ABCA8: variants seen among roughly 807,000 people sequenced by gnomAD.
The protein encoded by ABCA8 is ABC-type organic anion transporter ABCA8.
Under a neutral mutation model 192.3 loss-of-function variants are expected in ABCA8, and 177 were observed. The observed-to-expected ratio is 0.92, with a 90% CI of 0.81 to 1.04. The LOEUF is 1.04. Among genes scored for constraint, ABCA8 ranks in the 50% least tolerant of loss-of-function variants. The pLI, the probability that ABCA8 is intolerant of heterozygous loss-of-function variation, is 0.00. For missense variants in ABCA8, 1,915 were observed against 1,904.8 expected, an observed-to-expected ratio of 1.01 and a Z score of -0.10; for synonymous variants, 642 against 690.2, an observed-to-expected ratio of 0.93 and a Z score of 1.09.
chr17:68,883,851 G>C lies in ABCA8; in HGVS notation c.3647C>G (p.Thr1216Ser), dbSNP rs769886035. ...AAACTTCCATTCCAGACATCGAAGA[G>C]TAAAAAGAAAAATGATAAAATGAAG... Reference protein sequence around the residue: ...PFLHFIIFLFTLRCLEWKFGK... With the variant: ...PFLHFIIFLFSLRCLEWKFGK... The change falls in exon 29 of 40, where the codon ACT becomes AGT. Residue 1216 changes from threonine (T) to serine (S), a missense_variant. Transcript: ENST00000586539. 4.3e-5 allele frequency: 69 copies of C among 1,593,888 alleles called. No homozygotes were observed. The highest frequency in any genetic ancestry group is 5.5e-5 in the Non-Finnish European group (65 of 1,171,414).
In ABCA8 at chr17:68,907,890, GAA is replaced by G. The variant is rs4148022; in HGVS notation, c.2139-13_2139-12del. On this transcript the variant is annotated splice_polypyrimidine_tract_variant and intron_variant, in intron 17 of 39. Coordinates refer to ENST00000586539, the MANE Select transcript of ABCA8 (RefSeq NM_001288985.2). ...TCATTTAACTGCAAGCTGGCATTCAGAAAAAAAAAAAAAGACATATGTTACTC... is the reference window on the plus strand; with the variant it reads ...TCATTTAACTGCAAGCTGGCATTCAGAAAAAAAAAAAGACATATGTTACTC... 2.5e-3 allele frequency: 3,315 copies of G among 1,307,546 alleles called. 7 individuals carry two copies. Among genetic ancestry groups the G allele is most frequent in the African/African-American group, 0.016 (1,006 of 64,862 alleles). The allele number at this position is 1,307,546 out of a possible 1,614,324, so 81.0% of individuals were successfully genotyped here.
At position 68,903,386 on chromosome 17, in the gene ABCA8, C is replaced by A; in HGVS notation, c.2512G>T (p.Val838Leu). 1 of 1,614,220 alleles carries A rather than the reference C, an allele frequency of 6.2e-7. No homozygotes were observed. The highest frequency in any genetic ancestry group is 1.1e-5 in the South Asian group (1 of 91,086). The change falls in exon 20 of 40, where the codon GTG becomes TTG. Residue 838 changes from valine (V) to leucine (L), a missense_variant. By Grantham distance (32) the Val-to-Leu change is conservative. Coordinates refer to ENST00000586539, the MANE Select transcript of ABCA8 (RefSeq NM_001288985.2). ...CAGATTTGCTGTCGCCAGAGAGCCA[C>A]ACCACCTATTGTCTTTCTCATCTTG... is the stretch of plus-strand genomic sequence containing the variant. ...LNKMRKTIGG[V>L]ALWRQQICAI...
chr17:68,933,313 C>A, intron 5 of ABCA8, 42 bp from the exon 6 acceptor site: 1 of 1,259,912 alleles, frequency 7.9e-7, no homozygotes, highest in Non-Finnish European at 1.1e-6. Context: ...ACATCACTAT[C>A]TATATTATTG....
At chr17:68,886,366 G>T (rs1194204569) in intron 26 of ABCA8, among the ~76,000 whole-genome samples, 3 of 152,082 alleles carry the variant, frequency 2.0e-5, no homozygotes, top group African/African-American at 4.8e-5. Flanking sequence ...CAGTTCCTAG[G>T]ATCAGCTTGG....
chr17:68,944,357 T>TATATATATAC (rs1555619507), intron 2 of ABCA8, among the ~76,000 whole-genome samples: 1 of 53,408 alleles, frequency 1.9e-5, no homozygotes, highest in Non-Finnish European at 4.3e-5. Context: ...TATATATATA[T>TATATATATAC]ATACACATAT....
chr17:68,898,859 T>C (rs2066832759), intron 21 of ABCA8, among the ~76,000 whole-genome samples: 1 of 152,106 alleles, frequency 6.6e-6, no homozygotes, highest in Admixed American at 6.5e-5. Flanking sequence ...CCCATTTTGA[T>C]GTTATTATTA....
chr17:68,872,312 T>C (rs907023194), intron 37 of ABCA8, among the ~76,000 whole-genome samples: 2 of 151,814 alleles, frequency 1.3e-5, no homozygotes, highest in Non-Finnish European at 2.9e-5. Context: ...ATCATCATTC[T>C]CAGTAAACTA....
chr17:68,936,831 T>C, intron 5 of ABCA8, 120 bp downstream of exon 5: 1 of 835,976 alleles, frequency 1.2e-6, no homozygotes, highest in South Asian at 2.8e-5. Context: ...TTGAGGGACA[T>C]GCATACATCA....
intron 30 of ABCA8, 37 bp downstream of exon 30, chr17:68,882,562 G>A: frequency 6.4e-7 from 1 of 1,573,390 alleles, no homozygotes; most frequent in South Asian, 1.2e-5. Flanking sequence ...TAGACTGGTA[G>A]ACTGACTAAT....
intron 1 of ABCA8, among the ~76,000 whole-genome samples, chr17:68,949,795 A>C (rs2068517401): frequency 6.6e-6 from 1 of 152,180 alleles, no homozygotes; most frequent in Admixed American, 6.5e-5. Flanking sequence ...AACATATCTC[A>C]AAATAACAAG....
chr17:68,942,094 G>A (rs766413336), intron 2 of ABCA8, 55 bp from the exon 3 acceptor site: 4 of 1,292,126 alleles, frequency 3.1e-6, no homozygotes, highest in Non-Finnish European at 3.3e-6. Flanking sequence ...TTAAGAAAAA[G>A]AAATATCCTG....
intron 11 of ABCA8, among the ~76,000 whole-genome samples, chr17:68,923,622 A>G (rs1284266866): frequency 6.6e-6 from 1 of 152,248 alleles, no homozygotes; most frequent in Non-Finnish European, 1.5e-5. Context: ...AAGCACCTCA[A>G]ATAAAGCCAC....
chr17:68,898,499 A>G (rs899136310), intron 21 of ABCA8, among the ~76,000 whole-genome samples: 3 of 152,206 alleles, frequency 2.0e-5, no homozygotes, highest in African/African-American at 7.2e-5. Context: ...CCCAGATGGC[A>G]ATTTGAATCC....
At chr17:68,908,535 T>C (rs1046490397) in intron 17 of ABCA8, among the ~76,000 whole-genome samples, 7 of 152,154 alleles carry the variant, frequency 4.6e-5, no homozygotes, top group South Asian at 2.1e-4. Context: ...TTATCAATAG[T>C]AGTAAGTGCT....
At chr17:68,888,383 T>A (rs2066544825) in intron 24 of ABCA8, among the ~76,000 whole-genome samples, 1 of 152,130 alleles carries the variant, frequency 6.6e-6, no homozygotes, top group Non-Finnish European at 1.5e-5. Flanking sequence ...TTTTTTCTTT[T>A]AAAAAATACT....
At chr17:68,922,400 G>T in intron 11 of ABCA8, 100 bp from the exon 12 acceptor site, 3 of 821,018 alleles carry the variant, frequency 3.7e-6, no homozygotes, top group Middle Eastern at 2.4e-4. Flanking sequence ...CAGGATACAT[G>T]AAGATCTGGG....
chr17:68,937,076 T>C lies in ABCA8; in HGVS notation c.341A>G (p.Lys114Arg). 6.2e-7 allele frequency: 1 copy of C among 1,609,964 alleles called. No homozygotes were observed. Among genetic ancestry groups the C allele is most frequent in the Non-Finnish European group, 8.5e-7 (1 of 1,178,378 alleles). ...TTCAGGATAATTTGCTGTGAATTCT[T>C]TAATACTTTCCTCATCTGGCAGTCC... ...VLGLPDEESI[K>R]EFTANYPEEI... is the part of the protein sequence containing the mutation. The change falls in exon 5 of 40, where the codon AAA becomes AGA. Residue 114 changes from lysine to arginine, a missense_variant. Lys to Arg is a conservative substitution (Grantham distance 26). Transcript: ENST00000586539.
chr17:68,876,059 G>A (rs4148010), intron 35 of ABCA8, among the ~76,000 whole-genome samples: 53,423 of 151,956 alleles, frequency 0.35, 10,350 homozygotes, highest in Admixed American at 0.48. Context: ...TAACAACAGC[G>A]TCTCACAACC....
At position 68,867,974 on chromosome 17, in the gene ABCA8, A is replaced by C; in HGVS notation, c.*111T>G. ...AACCTCCTCCTCCCACCACACGGAG[A>C]ACCATTTCTGTACTTATAATATAGT... On this transcript the variant is annotated 3_prime_UTR_variant, in exon 40 of 40. Transcript: ENST00000586539. 7.0e-6 allele frequency: 6 copies of C among 855,638 alleles called. No homozygotes were observed. Among genetic ancestry groups the C allele is most frequent in the Non-Finnish European group, 1.1e-5 (6 of 561,818 alleles). The allele number at this position is 855,638 out of a possible 1,614,324, so 53.0% of individuals were successfully genotyped here.
Sources: gnomAD v4.1 joint callset for allele counts (sites outside exome capture counted in the v4.1 genomes callset) on GRCh38, gnomAD v4.1.1 for gene constraint, MANE v1.5 for transcripts, NCBI Gene and HGNC (gene_info 2026-07-23, HGNC 2026-07-21) for gene names.